The following PDE7B variants were observed in gnomAD, a reference collection of about 807,000 sequenced individuals.
PDE7B encodes the protein 3',5'-cyclic-AMP phosphodiesterase 7B.
Under a neutral mutation model 56.2 loss-of-function variants are expected in PDE7B, and 29 were observed. The ratio of observed to expected loss-of-function variants is 0.52; its 90% CI spans 0.38 to 0.70. The LOEUF is 0.70. PDE7B is among the 30% of genes least tolerant of loss of function. The probability of loss-of-function intolerance (pLI) is 0.00; values close to 1 mark genes in which losing one functional copy is unlikely to be tolerated. For missense variants in PDE7B, 490 were observed against 565.0 expected (o/e 0.87, Z 1.35); for synonymous variants, 197 against 196.9 (o/e 1.00, Z 0.00).
At position 135,935,157 on chromosome 6, in the gene PDE7B, A is replaced by G. The variant is rs1313117218; in HGVS notation, c.22-12307A>G. Among the ~76,000 whole-genome samples, 3 of 74,522 alleles carry G rather than the reference A, an allele frequency of 4.0e-5. No individual in the cohort carries two copies. The East Asian group carries it at 1.3e-3, about 33-fold the overall frequency. 48.9% of individuals were successfully genotyped at this position (74,522 alleles called of 152,430 possible). A position where few individuals can be genotyped will look rare whatever the true frequency, so the allele number is the denominator to read the frequency against. On this transcript the variant is annotated intron_variant, in intron 1 of 12. Transcript: ENST00000308191. ...TATATATTTATATATAAATAAATATATGAGACAGAGAATTTTATATATATA... is the reference window on the plus strand; with the variant it reads ...TATATATTTATATATAAATAAATATGTGAGACAGAGAATTTTATATATATA...
chr6:136,124,681 T>G (rs1777991843), intron 3 of PDE7B, among the ~76,000 whole-genome samples: 1 of 152,272 alleles, frequency 6.6e-6, no homozygotes, highest in African/African-American at 2.4e-5. Context: ...TTCATTGCTA[T>G]ATCCTAGTCC....
At chr6:136,108,311 G>A (rs886670547) in intron 2 of PDE7B, among the ~76,000 whole-genome samples, 1 of 152,076 alleles carries the variant, frequency 6.6e-6, no homozygotes, top group African/African-American at 2.4e-5. Context: ...AAAGGTGGAT[G>A]CCAGTCAGAA....
chr6:136,124,152 C>T (rs1274116778), intron 3 of PDE7B, among the ~76,000 whole-genome samples: 14 of 151,824 alleles, frequency 9.2e-5, no homozygotes, highest in Admixed American at 9.2e-4. Flanking sequence ...GCCCTGGTAA[C>T]CATTTATCAG....
chr6:136,195,455 G>GAAAAAAAAAAAAAAAA lies in PDE7B; in HGVS notation c.*3622_*3637dup, dbSNP rs559769128. ...CATTTTGTATACACATGTGAGGTTT[G>GAAAAAAAAAAAAAAAA]AAAAAAAAAAAAAAAAAAAAAAGAA... On this transcript the variant is annotated 3_prime_UTR_variant, in exon 13 of 13. Coordinates refer to ENST00000308191, the MANE Select transcript of PDE7B (RefSeq NM_018945.4). 4 of 68,974 alleles carry GAAAAAAAAAAAAAAAA rather than the reference G, an allele frequency of 5.8e-5. No homozygotes were observed. The highest frequency in any genetic ancestry group is 1.7e-4 in the African/African-American group (4 of 23,282). 4.3% of individuals were successfully genotyped at this position (68,974 alleles called of 1,614,324 possible).
chr6:136,150,856 T>C (rs1178009383), intron 5 of PDE7B, among the ~76,000 whole-genome samples: 5 of 39,744 alleles, frequency 1.3e-4, no homozygotes, highest in South Asian at 7.3e-4. Context: ...CATATACACA[T>C]GTGTGTGTGT....
chr6:136,155,907 T>TTGTTCAAACTCAGATGCTCAAAATGAGCA (rs1357539318), intron 8 of PDE7B, 149 bp downstream of exon 8: 1 of 889,202 alleles, frequency 1.1e-6, no homozygotes, highest in Admixed American at 2.0e-5. Flanking sequence ...CCTCAAAAAT[T>TTGTTCAAACTCAGATGCTCAAAATGAGCA]TGTTCAAACT....
At chr6:135,866,650 T>C (rs1034292440) in intron 1 of PDE7B, among the ~76,000 whole-genome samples, 1 of 152,202 alleles carries the variant, frequency 6.6e-6, no homozygotes, top group African/African-American at 2.4e-5. Context: ...AGTTAGTGTT[T>C]TCTTGTATAG....
chr6:136,059,530 G>A (rs965470613), intron 2 of PDE7B, among the ~76,000 whole-genome samples: 1 of 152,194 alleles, frequency 6.6e-6, no homozygotes, highest in African/African-American at 2.4e-5. Flanking sequence ...TTGAAACAGA[G>A]CCCGCATTTG....
chr6:136,027,769 G>A (rs535311117), intron 2 of PDE7B, among the ~76,000 whole-genome samples: 10 of 152,026 alleles, frequency 6.6e-5, no homozygotes, highest in African/African-American at 2.4e-4. Flanking sequence ...CTGCAGGCAC[G>A]CACCACCATG....
At chr6:135,905,055 T>C (rs756607129) in intron 1 of PDE7B, among the ~76,000 whole-genome samples, 5 of 152,204 alleles carry the variant, frequency 3.3e-5, no homozygotes, top group Admixed American at 6.5e-5. Context: ...AAATCATTAA[T>C]AACTTCTGAA....
At chr6:136,161,715 CA>C (rs1778706571) in intron 8 of PDE7B, among the ~76,000 whole-genome samples, 1 of 152,122 alleles carries the variant, frequency 6.6e-6, no homozygotes, top group Admixed American at 6.5e-5. Flanking sequence ...ACCAAAAATT[CA>C]AATAGGACTC....
At chr6:135,855,447 A>G (rs956137917) in intron 1 of PDE7B, among the ~76,000 whole-genome samples, 2 of 152,198 alleles carry the variant, frequency 1.3e-5, no homozygotes, top group African/African-American at 4.8e-5. Flanking sequence ...ACTGCAGAGG[A>G]GGCAGCTCTA....
chr6:136,037,895 T>C (rs1776350940), intron 2 of PDE7B: 11 of 1,174,988 alleles, frequency 9.4e-6, no homozygotes, highest in Admixed American at 3.7e-5. Context: ...GCTTTTTTTT[T>C]TCTCCCTGCT....
chr6:136,052,972 A>T (rs1776658913), intron 2 of PDE7B, among the ~76,000 whole-genome samples: 1 of 152,118 alleles, frequency 6.6e-6, no homozygotes, highest in South Asian at 2.1e-4. Context: ...GTCCTATCCC[A>T]TTGGCTCCAC....
At chr6:135,906,138 G>C (rs1017120196) in intron 1 of PDE7B, among the ~76,000 whole-genome samples, 1 of 152,140 alleles carries the variant, frequency 6.6e-6, no homozygotes, top group Non-Finnish European at 1.5e-5. Context: ...CGCAGAGCAG[G>C]CCTATGGTGG....
chr6:135,861,861 G>A (rs1775154535), intron 1 of PDE7B, among the ~76,000 whole-genome samples: 1 of 151,674 alleles, frequency 6.6e-6, no homozygotes, highest in Non-Finnish European at 1.5e-5. Flanking sequence ...ATATTACTGG[G>A]CACTTAGTAT....
chr6:135,977,792 T>C (rs1413913448), intron 2 of PDE7B, among the ~76,000 whole-genome samples: 2 of 152,046 alleles, frequency 1.3e-5, no homozygotes, highest in East Asian at 3.9e-4. Flanking sequence ...TAAAGTGAAA[T>C]TGCATGGGCC....
Position 136,108,736 on chromosome 6 carries a change from A to T in PDE7B, c.88A>T (p.Ile30Leu), listed in dbSNP as rs1347799715. Residue 30 changes from isoleucine to leucine, a missense_variant, in exon 3 of 13, where the codon ATA (isoleucine) becomes TTA (leucine). By Grantham distance (5) the Ile-to-Leu change is conservative. Coordinates refer to ENST00000308191, the MANE Select transcript of PDE7B (RefSeq NM_018945.4). ...TTGGATTTTCTGTTTTCTAGGAGAT[A>T]TACGACTAAGGGGTCAGACGGGGGT... is the stretch of plus-strand genomic sequence containing the variant. ...NAKCVCMLGDIRLRGQTGVRA... is the reference protein window; with the variant it reads ...NAKCVCMLGDLRLRGQTGVRA... 1.9e-6 allele frequency: 3 copies of T among 1,604,136 alleles called. No homozygotes were observed. Among genetic ancestry groups the T allele is most frequent in the Non-Finnish European group, 2.6e-6 (3 of 1,170,944 alleles).
intron 8 of PDE7B, among the ~76,000 whole-genome samples, chr6:136,172,977 C>T (rs1055758435): frequency 1.1e-4 from 17 of 151,970 alleles, no homozygotes; most frequent in Non-Finnish European, 2.1e-4. Flanking sequence ...AGGAGAACTA[C>T]AAACCACTGC....
Sources: allele counts gnomAD v4.1 joint callset (sites outside exome capture counted in the v4.1 genomes callset), GRCh38; gene constraint gnomAD v4.1.1; transcripts MANE v1.5; gene names NCBI Gene and HGNC (gene_info 2026-07-23, HGNC 2026-07-21).